CACNG5: variants seen among roughly 807,000 people sequenced by gnomAD.
CACNG5 encodes voltage-dependent calcium channel gamma-5 subunit.
Under a neutral mutation model 24.8 loss-of-function variants are expected in CACNG5, and 18 were observed. That is an observed-to-expected ratio of 0.73 (90% CI 0.50 to 1.08). CACNG5 has a LOEUF of 1.08. CACNG5 is among the 50% of genes least tolerant of loss of function. The probability of loss-of-function intolerance (pLI) is 0.00; values close to 1 mark genes in which losing one functional copy is unlikely to be tolerated. For synonymous variants in CACNG5, 157 were observed against 149.1 expected, an observed-to-expected ratio of 1.05 and a Z score of -0.39; for missense variants, 349 against 367.9, an observed-to-expected ratio of 0.95 and a Z score of 0.42.
At chr17:66,863,340 G>GT (rs57688485) in intron 1 of CACNG5, among the ~76,000 whole-genome samples, 24,900 of 150,714 alleles carry the variant, frequency 0.17, 3,374 homozygotes, top group African/African-American at 0.38. Flanking sequence ...CACACTCACT[G>GT]TTTTTTTTTG....
chr17:66,845,912 C>T (rs933158036), intron 1 of CACNG5, among the ~76,000 whole-genome samples: 1 of 152,178 alleles, frequency 6.6e-6, no homozygotes, highest in Non-Finnish European at 1.5e-5. Context: ...ACCTGACCCA[C>T]AATGTGCAGT....
intron 1 of CACNG5, among the ~76,000 whole-genome samples, chr17:66,866,439 T>A (rs969687455): frequency 3.3e-5 from 5 of 152,304 alleles, no homozygotes; most frequent in Admixed American, 3.3e-4. Flanking sequence ...ACCTTCCATT[T>A]TATTTTATTT....
chr17:66,884,801 C>G (rs754264941), intron 5 of CACNG5, 140 bp downstream of exon 5: 1 of 1,613,360 alleles, frequency 6.2e-7, no homozygotes, highest in African/African-American at 1.3e-5. Context: ...CCTTCCTCAT[C>G]CCAGAATGTG....
chr17:66,885,403 C>G lies in CACNG5; in HGVS notation c.*163C>G, dbSNP rs1977243928. ...CTCTCCCTGCTTCTCCAGAAGGGCT[C>G]TAACTGCCCCAGCATGGGTGTGGGA... On this transcript the variant is annotated 3_prime_UTR_variant, in exon 6 of 6. Transcript: ENST00000533854. 2 of 809,364 alleles carry G rather than the reference C, an allele frequency of 2.5e-6. No individual in the cohort carries two copies. Among genetic ancestry groups the G allele is most frequent in the Non-Finnish European group, 3.8e-6 (2 of 531,678 alleles). 50.1% of individuals were successfully genotyped at this position (809,364 alleles called of 1,614,324 possible).
At position 66,893,386 on chromosome 17, in the gene CACNG5, C is replaced by T. The variant is rs1977370736; in HGVS notation, c.*8146C>T. Among the ~76,000 whole-genome samples, 1 of 152,190 alleles carries T rather than the reference C, an allele frequency of 6.6e-6. No homozygotes were observed. The highest frequency in any genetic ancestry group is 2.1e-4 in the South Asian group (1 of 4,834). ...TTCTCTCCCATCTCTACTCATGATG[C>T]CAACCAATGTTGGAAATGGCTCCAG... On this transcript the variant is annotated 3_prime_UTR_variant, in exon 6 of 6. Coordinates refer to ENST00000533854, the MANE Select transcript of CACNG5 (RefSeq NM_145811.3).
intron 1 of CACNG5, among the ~76,000 whole-genome samples, chr17:66,846,894 G>C (rs1174793336): frequency 2.0e-5 from 3 of 152,246 alleles, no homozygotes; most frequent in African/African-American, 7.2e-5. Context: ...TGCAAAGTAT[G>C]AGGGTTCCAA....
intron 1 of CACNG5, among the ~76,000 whole-genome samples, chr17:66,855,900 A>G (rs12945258): frequency 0.14 from 21,924 of 152,314 alleles, 1,892 homozygotes; most frequent in East Asian, 0.38. Context: ...TAATATTTTT[A>G]CACTCATCAT....
intron 1 of CACNG5, among the ~76,000 whole-genome samples, chr17:66,848,719 C>T (rs1298058336): frequency 6.6e-6 from 1 of 152,176 alleles, no homozygotes; most frequent in East Asian, 1.9e-4. Flanking sequence ...TCTCCCCCAG[C>T]CCCTACCCCA....
At chr17:66,850,523 T>A (rs937395934) in intron 1 of CACNG5, among the ~76,000 whole-genome samples, 28 of 152,156 alleles carry the variant, frequency 1.8e-4, no homozygotes, top group Non-Finnish European at 3.2e-4. Context: ...AAAGTATATT[T>A]TTTTTTTACA....
chr17:66,875,267 C>T (rs1323244702), intron 1 of CACNG5, among the ~76,000 whole-genome samples: 1 of 152,082 alleles, frequency 6.6e-6, no homozygotes, highest in Non-Finnish European at 1.5e-5. Flanking sequence ...CACGCTGTTG[C>T]ATGGAGAATG....
At chr17:66,839,856 G>C (rs1028997558) in intron 1 of CACNG5, among the ~76,000 whole-genome samples, 1 of 152,148 alleles carries the variant, frequency 6.6e-6, no homozygotes, top group Non-Finnish European at 1.5e-5. Context: ...AAGTCCTGTC[G>C]GGTAAGTGTT....
At chr17:66,873,139 G>A (rs1977033369) in intron 1 of CACNG5, among the ~76,000 whole-genome samples, 1 of 152,122 alleles carries the variant, frequency 6.6e-6, no homozygotes, top group South Asian at 2.1e-4. Context: ...TACTCACAGG[G>A]TTATCGTGAG....
rs540137647 is a variant in CACNG5 at position 66,854,991 on chromosome 17, AT to A, written c.-104+19744del. 1.2e-3 allele frequency among the ~76,000 whole-genome samples: 181 copies of A among 152,346 alleles called. 1 individual carries two copies. Among genetic ancestry groups the A allele is most frequent in the Non-Finnish European group, 1.1e-3 (77 of 68,030 alleles). ...TTTGATTCTCACTGTGATTGATAAA[AT>A]TTAAGATATGTGACAATACCAAATG... On this transcript the variant is annotated intron_variant, in intron 1 of 5. Transcript: ENST00000533854.
At chr17:66,864,038 T>C (rs963849195) in intron 1 of CACNG5, among the ~76,000 whole-genome samples, 1 of 152,228 alleles carries the variant, frequency 6.6e-6, no homozygotes, top group Non-Finnish European at 1.5e-5. Context: ...TGGAACACAA[T>C]AGAAGTTTTG....
intron 1 of CACNG5, among the ~76,000 whole-genome samples, chr17:66,851,297 C>T (rs977465218): frequency 6.6e-6 from 1 of 152,150 alleles, no homozygotes; most frequent in African/African-American, 2.4e-5. Flanking sequence ...GAACTTCTAG[C>T]TCACCCAGCT....
chr17:66,846,624 T>C (rs1469630829), intron 1 of CACNG5, among the ~76,000 whole-genome samples: 1 of 152,230 alleles, frequency 6.6e-6, no homozygotes, highest in Non-Finnish European at 1.5e-5. Context: ...AGTGTGTCCA[T>C]TCATGAAATG....
intron 4 of CACNG5, among the ~76,000 whole-genome samples, chr17:66,881,707 A>G (rs1467816000): frequency 1.3e-5 from 2 of 152,176 alleles, no homozygotes; most frequent in Non-Finnish European, 2.9e-5. Context: ...CAAGGGGGCC[A>G]AGACCAGTGA....
chr17:66,842,875 G>A (rs1976586876), intron 1 of CACNG5, among the ~76,000 whole-genome samples: 1 of 152,238 alleles, frequency 6.6e-6, no homozygotes, highest in African/African-American at 2.4e-5. Context: ...GTCAGTTCTT[G>A]GAGAAAGAGC....
Position 66,880,651 on chromosome 17 carries a change from C to G in CACNG5, c.378C>G (p.His126Gln), listed in dbSNP as rs1329036858. 6.2e-7 allele frequency: 1 copy of G among 1,614,176 alleles called. No homozygotes were observed. The highest frequency in any genetic ancestry group is 2.2e-5 in the East Asian group (1 of 44,890). Residue 126 changes from histidine to glutamine, a missense_variant, in exon 4 of 6, where the codon CAC (histidine) becomes CAG (glutamine). His to Gln is a conservative substitution (Grantham distance 24). Transcript: ENST00000533854. ...ILNNIGHIRP[H>Q]RTILAFVSGI... ...ACAACATCGGACACATCCGTCCCCA[C>G]CGGACGATACTGGCCTTTGTCTCTG...
Sources: gnomAD v4.1 joint callset for allele counts (sites outside exome capture counted in the v4.1 genomes callset) on GRCh38, gnomAD v4.1.1 for gene constraint, MANE v1.5 for transcripts, NCBI Gene and HGNC (gene_info 2026-07-23, HGNC 2026-07-21) for gene names.